SLC4A7: variants seen among roughly 807,000 people sequenced by gnomAD.
The protein encoded by SLC4A7 is sodium bicarbonate cotransporter 3.
SLC4A7 carries 51 observed loss-of-function variants against 137.6 expected under a neutral mutation model. The observed-to-expected ratio is 0.37, with a 90% CI of 0.30 to 0.47. The LOEUF (loss-of-function observed/expected upper bound fraction) is 0.47. Ranked by LOEUF, SLC4A7 falls within the 20% of genes least tolerant of loss-of-function variation. The pLI, the probability that SLC4A7 is intolerant of heterozygous loss-of-function variation, is 1.00. For missense variants in SLC4A7, 1,247 were observed against 1,525.4 expected (o/e 0.82, Z 3.04); for synonymous variants, 542 against 518.6 (o/e 1.05, Z -0.61).
chr3:27,396,204 C>T (rs753342756), intron 18 of SLC4A7, among the ~76,000 whole-genome samples: 4 of 152,160 alleles, frequency 2.6e-5, no homozygotes, highest in Non-Finnish European at 5.9e-5. Context: ...TCTTTCCACA[C>T]TAATATATAT....
At chr3:27,435,356 A>C (rs2056650386) in intron 5 of SLC4A7, among the ~76,000 whole-genome samples, 1 of 152,050 alleles carries the variant, frequency 6.6e-6, no homozygotes, top group South Asian at 2.1e-4. Flanking sequence ...TTCATTGCTC[A>C]ACCTACCAGA....
Position 27,378,740 on chromosome 3 carries a change from T to C in SLC4A7, c.3698+509A>G, listed in dbSNP as rs145291763. 5.0e-3 allele frequency among the ~76,000 whole-genome samples: 757 copies of C among 152,338 alleles called. 5 individuals are homozygous for C. The highest frequency in any genetic ancestry group is 8.5e-3 in the Non-Finnish European group (578 of 68,024). On this transcript the variant is annotated intron_variant, in intron 25 of 25. Transcript: ENST00000454389. The stretch of plus-strand genomic sequence containing the variant: ...AAAACACAAGAAGGGAAACAACTTG[T>C]GTTTTTCTCTTTTCTTAGACCATCA...
At position 27,397,770 on chromosome 3, in the gene SLC4A7, C is replaced by G. The variant is rs2052342813; in HGVS notation, c.2617G>C (p.Val873Leu). The G allele has an allele frequency of 6.2e-7, 1 of 1,604,476 alleles. No individual in the cohort carries two copies. The highest frequency in any genetic ancestry group is 1.3e-5 in the African/African-American group (1 of 74,620). ...KVRSTISDFAVFLTIVIMVTI... is the reference protein window; with the variant it reads ...KVRSTISDFALFLTIVIMVTI... Reference sequence around the variant, plus strand: ...ACCATTATTACTATTGTGAGAAATACAGCAAAATCACTGATTGTCGATCGC... The same window carrying G: ...ACCATTATTACTATTGTGAGAAATAGAGCAAAATCACTGATTGTCGATCGC... The change falls in exon 18 of 26, where the codon GTA (valine) becomes CTA (leucine). Residue 873 changes from valine to leucine, a missense_variant. Val to Leu is a conservative substitution (Grantham distance 32). This residue lies in a region of SLC4A7 where 499 missense variants were observed against 664.2 expected (regional missense o/e 0.75). Transcript: ENST00000454389.
intron 9 of SLC4A7, 33 bp downstream of exon 9, chr3:27,421,589 C>T (rs1559721771): frequency 6.5e-7 from 1 of 1,549,626 alleles, no homozygotes. Context: ...TTTGAAAATG[C>T]TTAGAGAATG....
intron 11 of SLC4A7, among the ~76,000 whole-genome samples, chr3:27,415,937 G>A (rs1276642335): frequency 1.3e-5 from 2 of 152,128 alleles, no homozygotes; most frequent in African/African-American, 2.4e-5. Context: ...TGATCCTTAC[G>A]CTGGATTCAT....
chr3:27,431,946 C>A (rs2056341292), intron 6 of SLC4A7, among the ~76,000 whole-genome samples: 1 of 152,236 alleles, frequency 6.6e-6, no homozygotes, highest in East Asian at 1.9e-4. Context: ...TGACCAATAG[C>A]ATGGCATTTT....
chr3:27,455,741 G>A lies in SLC4A7; in HGVS notation c.61-3243C>T, dbSNP rs577452163. Among the ~76,000 whole-genome samples, 9 of 152,000 alleles carry A rather than the reference G, an allele frequency of 5.9e-5. 1 individual carries two copies. In the South Asian group the frequency reaches 1.7e-3, roughly 28 times the overall value. On this transcript the variant is annotated intron_variant, in intron 1 of 25. Coordinates refer to ENST00000454389, the MANE Select transcript of SLC4A7 (RefSeq NM_001321103.2). ...AAAAATACAAAAATTAGCTGAGTGC[G>A]GTGGAGCATGCCTTTAATTCCAGTT...
At position 27,409,384 on chromosome 3, in the gene SLC4A7, A is replaced by T; in HGVS notation, c.1913T>A (p.Leu638Gln). The T allele has an allele frequency of 6.2e-7, 1 of 1,612,324 alleles. No individual in the cohort carries two copies. Among genetic ancestry groups the T allele is most frequent in the Non-Finnish European group, 8.5e-7 (1 of 1,179,346 alleles). ...CMSPVITFGG[L>Q]LGEATEGRIS... is the part of the protein sequence containing the mutation. ...TCTGCCTTCTGTAGCTTCTCCAAGC[A>T]GCCCTCCAAAAGTGATTACAGGAGA... The change falls in exon 13 of 26, where the codon CTG becomes CAG. Residue 638 changes from leucine (L) to glutamine (Q), a missense_variant. Transcript: ENST00000454389.
intron 8 of SLC4A7, among the ~76,000 whole-genome samples, chr3:27,422,302 T>C (rs1451501212): frequency 6.6e-6 from 1 of 152,224 alleles, no homozygotes; most frequent in Non-Finnish European, 1.5e-5. Context: ...GGTCTTACTC[T>C]ATTGCCCAGG....
intron 1 of SLC4A7, among the ~76,000 whole-genome samples, chr3:27,457,703 A>T (rs2058484199): frequency 6.6e-6 from 1 of 152,184 alleles, no homozygotes; most frequent in Non-Finnish European, 1.5e-5. Context: ...TTCACAGGGT[A>T]TTAGAGCTTT....
intron 11 of SLC4A7, among the ~76,000 whole-genome samples, chr3:27,418,214 C>A (rs1425621788): frequency 6.6e-6 from 1 of 151,984 alleles, no homozygotes; most frequent in Non-Finnish European, 1.5e-5. Context: ...ATGAAAAAAG[C>A]AAGGTACAGA....
At chr3:27,385,729 C>A (rs1030509210) in intron 23 of SLC4A7, among the ~76,000 whole-genome samples, 163 bp downstream of exon 23, 1 of 152,052 alleles carries the variant, frequency 6.6e-6, no homozygotes, top group Non-Finnish European at 1.5e-5. Flanking sequence ...CCTGCTTCCT[C>A]ATTTATAAAA....
intron 16 of SLC4A7, among the ~76,000 whole-genome samples, chr3:27,399,960 G>A (rs2052587297): frequency 6.6e-6 from 1 of 152,056 alleles, no homozygotes; most frequent in South Asian, 2.1e-4. Flanking sequence ...AATTATCAGT[G>A]GGATAAAATT....
intron 1 of SLC4A7, among the ~76,000 whole-genome samples, chr3:27,456,362 A>T (rs974671231): frequency 5.9e-5 from 9 of 152,234 alleles, no homozygotes; most frequent in African/African-American, 2.2e-4. Flanking sequence ...AACTATTAAG[A>T]TAAAGTGATT....
In SLC4A7 at chr3:27,436,382, T is replaced by C. The variant is rs1218389348; in HGVS notation, c.589+6A>G. 1 of 1,606,214 alleles carries C rather than the reference T, an allele frequency of 6.2e-7. No individual in the cohort carries two copies. Among genetic ancestry groups the C allele is most frequent in the Non-Finnish European group, 8.5e-7 (1 of 1,175,874 alleles). On this transcript the variant is annotated splice_donor_region_variant and intron_variant, in intron 5 of 25. Coordinates refer to ENST00000454389, the MANE Select transcript of SLC4A7 (RefSeq NM_001321103.2). ...ACATATTTTTTAAAAGTCAGTTTAC[T>C]ATAACCTGCTATTTCATCTAGAGTG...
rs973363065 is a variant in SLC4A7, at chr3:27,409,240, G to A, written c.1941+116C>T. 2.8e-5 allele frequency: 22 copies of A among 776,334 alleles called. No homozygotes were observed. In the East Asian group the frequency reaches 3.0e-4, roughly 11 times the overall value. The allele number at this position is 776,334 out of a possible 1,614,324, so 48.1% of individuals were successfully genotyped here. ...TTGGGGAAAGTCTGCTTTGGGTCAC[G>A]TTAATCATGCTGTGGGTAGACTCTT... On this transcript the variant is annotated intron_variant, in intron 13 of 25. Transcript: ENST00000454389.
chr3:27,452,455 G>C lies in SLC4A7; in HGVS notation c.104C>G (p.Ser35Ter), dbSNP rs2058138006. 1 of 1,604,648 alleles carries C rather than the reference G, an allele frequency of 6.2e-7. No individual in the cohort carries two copies. The highest frequency in any genetic ancestry group is 1.3e-5 in the African/African-American group (1 of 74,446). Residue 35 changes from serine to a stop codon, truncating the protein, a stop_gained, in exon 2 of 26, where the codon TCA becomes TGA. Transcript: ENST00000454389. LOFTEE classifies it high-confidence loss of function. Reference sequence around the variant, plus strand: ...TTTTTCAAACTTGGTGTTCACAGTTGAGCTAGTTTTGCCAAGATCCACAAC... The same window carrying C: ...TTTTTCAAACTTGGTGTTCACAGTTCAGCTAGTTTTGCCAAGATCCACAAC... Reference protein sequence around the residue: ...EAVVDLGKTSSTVNTKFEKEE... With the variant: ...EAVVDLGKTS
At chr3:27,450,242 G>A (rs2057977713) in intron 2 of SLC4A7, among the ~76,000 whole-genome samples, 1 of 152,084 alleles carries the variant, frequency 6.6e-6, no homozygotes, top group Non-Finnish European at 1.5e-5. Context: ...CACATGGTAA[G>A]TACTCGATAA....
rs763803818 is a variant in SLC4A7, at chr3:27,383,255, A to G, written c.3493-5T>C. On this transcript the variant is annotated splice_polypyrimidine_tract_variant and splice_region_variant and intron_variant, in intron 23 of 25. Coordinates refer to ENST00000454389, the MANE Select transcript of SLC4A7 (RefSeq NM_001321103.2). The stretch of plus-strand genomic sequence containing the variant: ...TTGAAGCATCCGTTCAGCTTCCTTT[A>G]TAACACATGTGTGAAGAGGTTACTT... The G allele has an allele frequency of 7.0e-6, 11 of 1,577,296 alleles. No homozygotes were observed. In the Admixed American group the frequency reaches 1.5e-4, roughly 22 times the overall value.
Sources: gnomAD v4.1 joint callset for allele counts (sites outside exome capture counted in the v4.1 genomes callset) on GRCh38, gnomAD v4.1.1 for gene constraint, gnomAD v4.1.1 regional missense constraint, MANE v1.5 for transcripts, NCBI Gene and HGNC (gene_info 2026-07-23, HGNC 2026-07-21) for gene names.